Variants in LINGO2 observed in about 807,000 individuals in gnomAD.
LINGO2 encodes leucine-rich repeat and immunoglobulin-like domain-containing nogo receptor-interacting protein 2.
Under a neutral mutation model 30.6 loss-of-function variants are expected in LINGO2, and 14 were observed. That is an observed-to-expected ratio of 0.46 (90% CI 0.30 to 0.72). The LOEUF is 0.72. Among genes scored for constraint, LINGO2 ranks in the 30% least tolerant of loss-of-function variants. The probability of loss-of-function intolerance (pLI) is 0.07; values close to 1 mark genes in which losing one functional copy is unlikely to be tolerated. For synonymous variants in LINGO2, 317 were observed against 288.5 expected (o/e 1.10, Z -1.00); for missense variants, 729 against 751.7 (o/e 0.97, Z 0.35).
chr9:29,034,684 T>C, the LINGO2 span, among the ~76,000 whole-genome samples: 1 of 152,184 alleles, frequency 6.6e-6, no homozygotes, highest in Non-Finnish European at 1.5e-5. Flanking sequence ...AATAAATTAA[T>C]CATTATAATC....
At chr9:28,066,548 G>A (rs775143300) in intron 4 of LINGO2, among the ~76,000 whole-genome samples, 21 of 152,014 alleles carry the variant, frequency 1.4e-4, no homozygotes, top group Non-Finnish European at 3.1e-4. Flanking sequence ...ATTCTTATGA[G>A]GACTGAACCA....
At chr9:28,617,717 T>C (rs1826202455) in intron 1 of LINGO2, among the ~76,000 whole-genome samples, 1 of 151,940 alleles carries the variant, frequency 6.6e-6, no homozygotes, top group South Asian at 2.1e-4. Flanking sequence ...ATCCCTGTTT[T>C]CATCTTTACT....
chr9:28,436,668 A>G (rs964665842), intron 2 of LINGO2, among the ~76,000 whole-genome samples: 4 of 152,222 alleles, frequency 2.6e-5, no homozygotes, highest in East Asian at 1.9e-4. Context: ...CGTGTTAGCC[A>G]GGATGGTCTC....
the LINGO2 span, among the ~76,000 whole-genome samples, chr9:28,898,767 C>A: frequency 6.6e-6 from 1 of 151,954 alleles, no homozygotes; most frequent in Non-Finnish European, 1.5e-5. Flanking sequence ...CTGGGACCTA[C>A]CAGAGAGTGG....
At chr9:28,345,760 G>T (rs1417311844) in intron 3 of LINGO2, among the ~76,000 whole-genome samples, 2 of 152,108 alleles carry the variant, frequency 1.3e-5, no homozygotes, top group Non-Finnish European at 2.9e-5. Context: ...TACACACGTG[G>T]CTCATTATGT....
At chr9:28,168,631 C>T (rs971461787) in intron 4 of LINGO2, among the ~76,000 whole-genome samples, 6 of 152,194 alleles carry the variant, frequency 3.9e-5, no homozygotes, top group South Asian at 4.1e-4. Context: ...GGGCAAGTAA[C>T]GTTTGTGCAG....
chr9:28,756,049 G>A, the LINGO2 span, among the ~76,000 whole-genome samples: 1 of 152,008 alleles, frequency 6.6e-6, no homozygotes, highest in African/African-American at 2.4e-5. Flanking sequence ...AACTTTTTAA[G>A]ACTGTAACTC....
intron 4 of LINGO2, among the ~76,000 whole-genome samples, chr9:28,184,297 T>A (rs533883110): frequency 6.6e-6 from 1 of 152,282 alleles, no homozygotes; most frequent in South Asian, 2.1e-4. Flanking sequence ...CTTTTGAAAA[T>A]AAAGAAGTGG....
At chr9:28,586,513 T>C (rs1824549345) in intron 1 of LINGO2, among the ~76,000 whole-genome samples, 1 of 152,042 alleles carries the variant, frequency 6.6e-6, no homozygotes, top group Admixed American at 6.6e-5. Context: ...TGTTTAGAAA[T>C]TGCATTATCA....
At chr9:28,706,020 C>T in the LINGO2 span, among the ~76,000 whole-genome samples, 62 of 152,174 alleles carry the variant, frequency 4.1e-4, no homozygotes, top group Non-Finnish European at 6.2e-4. Context: ...GAAACTTACA[C>T]TCCAGCTTTT....
chr9:29,157,137 C>A, the LINGO2 span, among the ~76,000 whole-genome samples: 1 of 151,920 alleles, frequency 6.6e-6, no homozygotes, highest in Non-Finnish European at 1.5e-5. Flanking sequence ...GTTTAAAATG[C>A]CACAAAATGT....
the LINGO2 span, among the ~76,000 whole-genome samples, chr9:29,028,741 C>T: frequency 2.6e-5 from 4 of 152,072 alleles, no homozygotes; most frequent in Non-Finnish European, 4.4e-5. Flanking sequence ...AGGCATGAGG[C>T]CTAATTACTC....
chr9:28,975,143 T>C, the LINGO2 span, among the ~76,000 whole-genome samples: 6 of 152,076 alleles, frequency 3.9e-5, no homozygotes, highest in Admixed American at 2.6e-4. Flanking sequence ...GATAAAGGCT[T>C]GAGGTTGCCT....
the LINGO2 span, among the ~76,000 whole-genome samples, chr9:28,740,532 G>T: frequency 6.6e-6 from 1 of 151,178 alleles, no homozygotes; most frequent in Non-Finnish European, 1.5e-5. Flanking sequence ...GATAGGGCTG[G>T]GTTAAAATCT....
chr9:28,910,901 G>A, the LINGO2 span, among the ~76,000 whole-genome samples: 2 of 152,016 alleles, frequency 1.3e-5, no homozygotes, highest in African/African-American at 4.8e-5. Flanking sequence ...AAAAAAATTT[G>A]TTGTTTGAAA....
chr9:28,813,503 C>T, the LINGO2 span, among the ~76,000 whole-genome samples: 26 of 152,042 alleles, frequency 1.7e-4, no homozygotes, highest in Non-Finnish European at 2.9e-4. Context: ...CTGCAAATAA[C>T]GAGAGAACTA....
At chr9:28,005,232 G>GCCAAATAA (rs1447949866) in intron 5 of LINGO2, among the ~76,000 whole-genome samples, 1 of 152,196 alleles carries the variant, frequency 6.6e-6, no homozygotes, top group Non-Finnish European at 1.5e-5. Flanking sequence ...AATCATGTCA[G>GCCAAATAA]GCATTTTCCA....
At chr9:29,158,201 A>C in the LINGO2 span, among the ~76,000 whole-genome samples, 1,148 of 151,600 alleles carry the variant, frequency 7.6e-3, 26 homozygotes, top group African/African-American at 0.026. Flanking sequence ...AAACAAAAAA[A>C]AAACAAATGG....
intron 1 of LINGO2, among the ~76,000 whole-genome samples, chr9:28,504,479 A>T (rs1045860543): frequency 2.0e-5 from 3 of 151,840 alleles, no homozygotes; most frequent in African/African-American, 7.2e-5. Context: ...CTAAATTGGG[A>T]TGATAAAAAA....
Sources: allele counts gnomAD v4.1 joint callset (sites outside exome capture counted in the v4.1 genomes callset), GRCh38; gene constraint gnomAD v4.1.1; transcripts MANE v1.5; gene names NCBI Gene and HGNC (gene_info 2026-07-23, HGNC 2026-07-21).